DENND2A: variants seen among roughly 807,000 people sequenced by gnomAD.
The protein encoded by DENND2A is DENN domain-containing protein 2A.
A neutral mutation model predicts 105.3 loss-of-function variants in DENND2A; 53 were observed. That is an observed-to-expected ratio of 0.50 (90% confidence interval 0.40 to 0.63). The LOEUF (loss-of-function observed/expected upper bound fraction) is 0.63, where lower values mean the gene tolerates loss of function less well. Ranked by LOEUF, DENND2A falls within the 30% of genes least tolerant of loss-of-function variation. The probability of loss-of-function intolerance (pLI) is 0.00; values close to 1 mark genes in which losing one functional copy is unlikely to be tolerated. For synonymous variants in DENND2A, 522 were observed against 508.4 expected (o/e 1.03, Z -0.36); for missense variants, 1,138 against 1,279.6 (o/e 0.89, Z 1.69).
chr7:140,628,115 A>G (rs577644711), intron 1 of DENND2A, among the ~76,000 whole-genome samples: 1 of 152,202 alleles, frequency 6.6e-6, no homozygotes, highest in Non-Finnish European at 1.5e-5. Context: ...TTAATGAATT[A>G]GTAATAACAG....
At chr7:140,554,189 G>T (rs2130552536) in intron 12 of DENND2A, among the ~76,000 whole-genome samples, 1 of 150,130 alleles carries the variant, frequency 6.7e-6, no homozygotes, top group Non-Finnish European at 1.5e-5. Flanking sequence ...TCGCACCCTT[G>T]CACTCCAGCC....
Position 140,543,285 on chromosome 7 carries a change from A to ATTT in DENND2A, c.2327+1330_2327+1332dup, listed in dbSNP as rs36113743. Among the ~76,000 whole-genome samples the ATTT allele has an allele frequency of 1.6e-4, 21 of 128,314 alleles. No homozygotes were observed. In the East Asian group the frequency reaches 3.5e-3, roughly 21 times the overall value. 84.2% of individuals were successfully genotyped at this position (128,314 alleles called of 152,430 possible). On this transcript the variant is annotated intron_variant, in intron 14 of 19. Coordinates refer to ENST00000496613, the MANE Select transcript of DENND2A (RefSeq NM_015689.5). ...AGGCTCGAGCCACCATACCTGGCTA[A>ATTT]TTTTTTTTTTTTTTTTTTTTACGTT... is the stretch of plus-strand genomic sequence containing the variant.
intron 7 of DENND2A, 42 bp from the exon 8 acceptor site, chr7:140,568,855 C>T (rs1797976386): frequency 6.3e-7 from 1 of 1,591,710 alleles, no homozygotes; most frequent in Non-Finnish European, 8.6e-7. Flanking sequence ...AATGTGAGTT[C>T]TTCTCATGTA....
intron 18 of DENND2A, 56 bp downstream of exon 18, chr7:140,521,799 C>T (rs1053077452): frequency 4.4e-6 from 7 of 1,599,896 alleles, no homozygotes; most frequent in African/African-American, 4.0e-5. Context: ...TCATCAGCCG[C>T]CTGGAATATA....
intron 12 of DENND2A, among the ~76,000 whole-genome samples, chr7:140,550,987 C>T (rs767737204): frequency 1.3e-5 from 2 of 151,552 alleles, no homozygotes; most frequent in Non-Finnish European, 2.9e-5. Context: ...GAAAAGGCTG[C>T]TTAGGGGGAC....
Position 140,579,867 on chromosome 7 carries a change from C to A in DENND2A, c.1245+5722G>T, listed in dbSNP as rs534369929. ...TCAATCTGGGCCAGGCGAGGTGGCT[C>A]ACGCCTGTAATCCAAGCACTTTGGG... On this transcript the variant is annotated intron_variant, in intron 5 of 19. Transcript: ENST00000496613. Among the ~76,000 whole-genome samples the A allele has an allele frequency of 7.9e-5, 12 of 152,242 alleles. 1 individual carries two copies. In the South Asian group the frequency reaches 2.3e-3, roughly 29 times the overall value.
intron 14 of DENND2A, among the ~76,000 whole-genome samples, chr7:140,539,620 A>G (rs540169690): frequency 1.3e-3 from 191 of 152,318 alleles, no homozygotes; most frequent in African/African-American, 4.3e-3. Flanking sequence ...TTCTTTGAGC[A>G]GAATGACGGA....
chr7:140,634,910 C>G (rs1017021956), intron 1 of DENND2A, among the ~76,000 whole-genome samples: 3 of 150,420 alleles, frequency 2.0e-5, no homozygotes, highest in African/African-American at 7.4e-5. Context: ...TTCAGTGAGC[C>G]AAGATCACGG....
At chr7:140,545,325 T>C (rs962539213) in intron 13 of DENND2A, among the ~76,000 whole-genome samples, 2 of 152,176 alleles carry the variant, frequency 1.3e-5, no homozygotes, top group Non-Finnish European at 1.5e-5. Context: ...TCTGATGATA[T>C]GTGCTTTCAG....
At chr7:140,639,885 T>A (rs1801121184) in intron 1 of DENND2A, among the ~76,000 whole-genome samples, 1 of 152,182 alleles carries the variant, frequency 6.6e-6, no homozygotes, top group Non-Finnish European at 1.5e-5. Context: ...TACTCCGTGG[T>A]CTCACCCAGC....
At chr7:140,564,933 C>CA (rs1309255190) in intron 9 of DENND2A, among the ~76,000 whole-genome samples, 1 of 150,746 alleles carries the variant, frequency 6.6e-6, no homozygotes, top group Non-Finnish European at 1.5e-5. Context: ...CAGCCCCCGG[C>CA]AAAAAAAAAT....
chr7:140,551,949 T>G (rs1206753666), intron 12 of DENND2A, among the ~76,000 whole-genome samples: 1 of 152,238 alleles, frequency 6.6e-6, no homozygotes, highest in Non-Finnish European at 1.5e-5. Context: ...AACAAAGGAC[T>G]GTGCATCACA....
At chr7:140,557,743 T>A (rs1797437138) in intron 11 of DENND2A, among the ~76,000 whole-genome samples, 1 of 149,548 alleles carries the variant, frequency 6.7e-6, no homozygotes. Context: ...TTTCACCATG[T>A]TAGCCAGGAT....
intron 11 of DENND2A, among the ~76,000 whole-genome samples, chr7:140,556,981 T>C (rs939340180): frequency 6.6e-6 from 1 of 152,098 alleles, no homozygotes; most frequent in African/African-American, 2.4e-5. Context: ...ATTATTTGAG[T>C]CTTCTCTCCT....
At chr7:140,587,519 C>T (rs1387456785) in intron 4 of DENND2A, 134 bp downstream of exon 4, 7 of 1,264,128 alleles carry the variant, frequency 5.5e-6, no homozygotes, top group African/African-American at 3.0e-5. Flanking sequence ...CTTTTTCATC[C>T]GAGTGCACAG....
At chr7:140,636,394 C>T (rs536073343) in intron 1 of DENND2A, among the ~76,000 whole-genome samples, 3 of 152,252 alleles carry the variant, frequency 2.0e-5, no homozygotes, top group South Asian at 2.1e-4. Context: ...GTAAAGACCT[C>T]GGGGGAGAAG....
At chr7:140,588,524 T>A (rs1329319593) in intron 3 of DENND2A, among the ~76,000 whole-genome samples, 3 of 152,110 alleles carry the variant, frequency 2.0e-5, no homozygotes, top group Admixed American at 6.6e-5. Context: ...GTACAGATAG[T>A]CCCTGACTGT....
rs764281412 is a variant in DENND2A at position 140,573,892 on chromosome 7, A to T, written c.1362T>A (p.Pro454=). Residue 454 remains proline, a synonymous_variant, in exon 6 of 20, where the codon CCT becomes CCA. Transcript: ENST00000496613. ...DGTGSPSKIS[P]PSTPSSPDDI... is the part of the protein sequence containing the mutation. ...CATCAGGGCTGCTGGGAGTGGAGGG[A>T]GGGCTGATTTTGGAAGGGGACCCAG... The T allele has an allele frequency of 5.6e-6, 9 of 1,613,822 alleles. No individual in the cohort carries two copies. In the South Asian group the frequency reaches 8.8e-5, roughly 16 times the overall value.
At position 140,528,783 on chromosome 7, in the gene DENND2A, T is replaced by A. The variant is rs144173657; in HGVS notation, c.2328-1288A>T. The stretch of plus-strand genomic sequence containing the variant: ...CTCAAAAAAAAAAAAAAGAGATGAC[T>A]GAGGGTTAACCATTTTATGCATTGA... On this transcript the variant is annotated intron_variant, in intron 14 of 19. Coordinates refer to ENST00000496613, the MANE Select transcript of DENND2A (RefSeq NM_015689.5). Among the ~76,000 whole-genome samples, 55 of 143,038 alleles carry A rather than the reference T, an allele frequency of 3.8e-4. No individual in the cohort carries two copies. The East Asian group carries it at 0.011, about 29-fold the overall frequency. 93.8% of individuals were successfully genotyped at this position (143,038 alleles called of 152,430 possible).
Sources: allele counts gnomAD v4.1 joint callset (sites outside exome capture counted in the v4.1 genomes callset), GRCh38; gene constraint gnomAD v4.1.1; transcripts MANE v1.5; gene names NCBI Gene and HGNC (gene_info 2026-07-23, HGNC 2026-07-21).